The following CDH18 variants were observed in gnomAD, a reference collection of about 807,000 sequenced individuals.
The protein encoded by CDH18 is cadherin 18, also known as cadherin-18.
CDH18 carries 31 observed loss-of-function variants against 67.9 expected under a neutral mutation model. The ratio of observed to expected loss-of-function variants is 0.46; its 90% CI spans 0.34 to 0.62. The LOEUF (loss-of-function observed/expected upper bound fraction) is 0.62, where lower values mean the gene tolerates loss of function less well. Ranked by LOEUF, CDH18 falls within the 20% of genes least tolerant of loss-of-function variation. The pLI, the probability that CDH18 is intolerant of heterozygous loss-of-function variation, is 0.01. For missense variants in CDH18, 890 were observed against 975.5 expected, an observed-to-expected ratio of 0.91 and a Z score of 1.17; for synonymous variants, 362 against 347.2, an observed-to-expected ratio of 1.04 and a Z score of -0.48.
intron 1 of CDH18, among the ~76,000 whole-genome samples, chr5:20,533,095 G>C (rs916170450): frequency 6.6e-6 from 1 of 151,998 alleles, no homozygotes; most frequent in African/African-American, 2.4e-5. Context: ...AGAAAATTTG[G>C]AAACAGACAC....
At chr5:19,578,488 T>C (rs1327555110) in intron 7 of CDH18, among the ~76,000 whole-genome samples, 1 of 152,038 alleles carries the variant, frequency 6.6e-6, no homozygotes, top group Non-Finnish European at 1.5e-5. Flanking sequence ...TATAATGTTT[T>C]CAAGCTGCTT....
intron 5 of CDH18, among the ~76,000 whole-genome samples, chr5:19,687,247 T>A (rs1056206056): frequency 6.6e-6 from 1 of 152,050 alleles, no homozygotes; most frequent in Non-Finnish European, 1.5e-5. Flanking sequence ...CTCCACTTGG[T>A]CCCACACACC....
intron 5 of CDH18, among the ~76,000 whole-genome samples, chr5:19,651,121 C>A (rs1755508291): frequency 1.3e-5 from 2 of 151,954 alleles, no homozygotes; most frequent in African/African-American, 4.8e-5. Context: ...AGTCTACAAT[C>A]AAAGACGATG....
At chr5:20,404,357 G>A (rs1746042899) in intron 1 of CDH18, among the ~76,000 whole-genome samples, 1 of 152,114 alleles carries the variant, frequency 6.6e-6, no homozygotes, top group South Asian at 2.1e-4. Context: ...GATGCAAAAG[G>A]CCTAGCTTTG....
intron 2 of CDH18, among the ~76,000 whole-genome samples, chr5:20,096,237 C>T (rs960296078): frequency 6.6e-6 from 1 of 152,088 alleles, no homozygotes; most frequent in Non-Finnish European, 1.5e-5. Flanking sequence ...GAACAATAGG[C>T]TATTTTTTAA....
At chr5:20,353,313 G>A (rs1227429946) in intron 1 of CDH18, among the ~76,000 whole-genome samples, 3 of 152,022 alleles carry the variant, frequency 2.0e-5, no homozygotes, top group African/African-American at 7.3e-5. Context: ...GTAATATGAG[G>A]CTTTTCAGAG....
At chr5:20,304,261 T>C in intron 1 of CDH18, 22 of 1,598,154 alleles carry the variant, frequency 1.4e-5, no homozygotes, top group Non-Finnish European at 1.6e-5. Context: ...AATTGGTGTC[T>C]GCCCGCACCA....
intron 3 of CDH18, among the ~76,000 whole-genome samples, chr5:19,802,920 C>G (rs1384394637): frequency 6.6e-6 from 1 of 152,238 alleles, no homozygotes; most frequent in Admixed American, 6.5e-5. Flanking sequence ...CCCAATTGTT[C>G]CTAAGGTGTC....
intron 1 of CDH18, among the ~76,000 whole-genome samples, chr5:20,567,238 G>C (rs1489656729): frequency 6.6e-6 from 1 of 152,172 alleles, no homozygotes; most frequent in African/African-American, 2.4e-5. Context: ...GAGAACAAAA[G>C]AGACTTCTTT....
At chr5:20,205,679 G>A (rs965795999) in intron 2 of CDH18, among the ~76,000 whole-genome samples, 2 of 151,722 alleles carry the variant, frequency 1.3e-5, no homozygotes, top group Admixed American at 6.6e-5. Context: ...TGACAACAAT[G>A]AAACAAAACT....
rs539628656 is a variant in CDH18, at chr5:20,562,012, G to T, written c.-580+13450C>A. ...TCAAATAGGCTATTATGAACAAAAAGTGTATGCAATAAATTTTACAGCAAT... is the reference window on the plus strand; with the variant it reads ...TCAAATAGGCTATTATGAACAAAAATTGTATGCAATAAATTTTACAGCAAT... On this transcript the variant is annotated intron_variant, in intron 1 of 14. Transcript: ENST00000507958. 2.0e-5 allele frequency among the ~76,000 whole-genome samples: 3 copies of T among 151,902 alleles called. No homozygotes were observed. The South Asian group carries it at 6.2e-4, about 32-fold the overall frequency.
rs1737219626 is a variant in CDH18, at chr5:20,176,183, C to T, written c.-518+79261G>A. 1.3e-5 allele frequency among the ~76,000 whole-genome samples: 2 copies of T among 152,134 alleles called. 1 individual carries two copies. Among genetic ancestry groups the T allele is most frequent in the South Asian group, 4.1e-4 (2 of 4,830 alleles). On this transcript the variant is annotated intron_variant, in intron 2 of 14. Coordinates refer to the CDH18 transcript ENST00000507958. ...TACATGCATGCTCAAATGACTCCATCAAGTCAAGCCTCTCTGGGACTTCAC... is the reference window on the plus strand; with the variant it reads ...TACATGCATGCTCAAATGACTCCATTAAGTCAAGCCTCTCTGGGACTTCAC...
chr5:19,517,840 TTC>T (rs1485198200), intron 10 of CDH18, among the ~76,000 whole-genome samples: 1 of 152,072 alleles, frequency 6.6e-6, no homozygotes, highest in Non-Finnish European at 1.5e-5. Context: ...TATTTATATT[TTC>T]TTTTTCTTTC....
rs181969588 is a variant in CDH18, at chr5:19,907,833, T to C, written c.-256-68591A>G. ...TTTCTAAATTCAAAGATTACTTTCT[T>C]GATCTTTACAAACATAATTTTCAAT... On this transcript the variant is annotated intron_variant, in intron 2 of 12. Coordinates refer to ENST00000382275, the MANE Select transcript of CDH18 (RefSeq NM_004934.5). Among the ~76,000 whole-genome samples, 3 of 152,194 alleles carry C rather than the reference T, an allele frequency of 2.0e-5. No homozygotes were observed. The East Asian group carries it at 5.8e-4, about 29-fold the overall frequency.
Position 19,477,057 on chromosome 5 carries a change from C to A in CDH18, c.1883-3341G>T, listed in dbSNP as rs533963934. 3.3e-5 allele frequency among the ~76,000 whole-genome samples: 5 copies of A among 150,778 alleles called. No homozygotes were observed. The East Asian group carries it at 9.7e-4, about 29-fold the overall frequency. On this transcript the variant is annotated intron_variant, in intron 12 of 12. Coordinates refer to ENST00000382275, the MANE Select transcript of CDH18 (RefSeq NM_004934.5). The stretch of plus-strand genomic sequence containing the variant: ...TTTTCCCCAGAAAAGGTAGTATTTG[C>A]TACCTTTCTGGATATTATTTGCTAG...
At chr5:20,387,519 A>T (rs970314968) in intron 1 of CDH18, among the ~76,000 whole-genome samples, 3 of 152,108 alleles carry the variant, frequency 2.0e-5, no homozygotes, top group Admixed American at 2.0e-4. Context: ...GCAAACAGGG[A>T]CAATTTGACT....
At chr5:20,179,614 G>T (rs959105916) in intron 2 of CDH18, among the ~76,000 whole-genome samples, 7 of 152,118 alleles carry the variant, frequency 4.6e-5, no homozygotes, top group African/African-American at 1.4e-4. Context: ...ACTGCCAGTG[G>T]GATTACAATT....
intron 5 of CDH18, among the ~76,000 whole-genome samples, chr5:19,666,907 G>T (rs571650888): frequency 2.0e-5 from 3 of 152,078 alleles, no homozygotes; most frequent in Admixed American, 6.6e-5. Flanking sequence ...ATGGAGAAAA[G>T]ATATATAAAG....
intron 5 of CDH18, among the ~76,000 whole-genome samples, chr5:19,657,023 G>A (rs1292881629): frequency 6.6e-6 from 1 of 151,996 alleles, no homozygotes; most frequent in Non-Finnish European, 1.5e-5. Flanking sequence ...GTGAGGTTTG[G>A]TGAAAATAAT....
Sources: gnomAD v4.1 joint callset for allele counts (sites outside exome capture counted in the v4.1 genomes callset) on GRCh38, gnomAD v4.1.1 for gene constraint, MANE v1.5 for transcripts, NCBI Gene and HGNC (gene_info 2026-07-23, HGNC 2026-07-21) for gene names.